Variants in MICAL2 observed in about 807,000 individuals in gnomAD.
The protein encoded by MICAL2 is [F-actin]-monooxygenase MICAL2.
A neutral mutation model predicts 127.3 loss-of-function variants in MICAL2; 77 were observed. The ratio of observed to expected loss-of-function variants is 0.60; its 90% CI spans 0.50 to 0.73. The LOEUF is 0.73. Among genes scored for constraint, MICAL2 ranks in the 30% least tolerant of loss-of-function variants. The probability of loss-of-function intolerance (pLI) is 0.00; values close to 1 mark genes in which losing one functional copy is unlikely to be tolerated. For synonymous variants in MICAL2, 570 were observed against 551.1 expected, an observed-to-expected ratio of 1.03 and a Z score of -0.48; for missense variants, 1,351 against 1,434.4, an observed-to-expected ratio of 0.94 and a Z score of 0.94.
In MICAL2 at chr11:12,216,118, G is replaced by T. The variant is rs1437259494; in HGVS notation, c.848-101G>T. On this transcript the variant is annotated intron_variant, in intron 7 of 27. Transcript: ENST00000683283. ...AAAACTGGTCTAACATGAATATTCT[G>T]CAGATAAATAACAAGACCAATAGTG... 5 of 838,856 alleles carry T rather than the reference G, an allele frequency of 6.0e-6. No individual in the cohort carries two copies. In the East Asian group the frequency reaches 1.3e-4, roughly 21 times the overall value. The allele number at this position is 838,856 out of a possible 1,614,324, so 52.0% of individuals were successfully genotyped here.
chr11:12,145,828 C>T, intron 2 of MICAL2, among the ~76,000 whole-genome samples: 1 of 152,052 alleles, frequency 6.6e-6, no homozygotes, highest in East Asian at 1.9e-4. Context: ...GGTGGACGGC[C>T]CAATGAAAGG....
chr11:12,217,715 A>G (rs1042592917), intron 8 of MICAL2, among the ~76,000 whole-genome samples: 1 of 152,128 alleles, frequency 6.6e-6, no homozygotes, highest in Non-Finnish European at 1.5e-5. Context: ...GTGTTTGCTC[A>G]TGGCAACTCG....
At chr11:12,342,940 T>G (rs1045755339) in intron 32 of MICAL2, among the ~76,000 whole-genome samples, 1 of 152,050 alleles carries the variant, frequency 6.6e-6, no homozygotes, top group Non-Finnish European at 1.5e-5. Context: ...AGGGAGCTGA[T>G]GGAAATCGTA....
At chr11:12,183,346 C>T (rs1229277701) in intron 3 of MICAL2, among the ~76,000 whole-genome samples, 4 of 152,208 alleles carry the variant, frequency 2.6e-5, no homozygotes, top group East Asian at 3.9e-4. Context: ...CCCAGCTGAC[C>T]GCTGCATTGC....
chr11:12,340,120 A>G (rs1938835837), intron 32 of MICAL2, among the ~76,000 whole-genome samples: 1 of 152,232 alleles, frequency 6.6e-6, no homozygotes, highest in African/African-American at 2.4e-5. Flanking sequence ...TAGAACCCTC[A>G]GATACAGACG....
At chr11:12,243,592 G>C (rs903210) in intron 20 of MICAL2, among the ~76,000 whole-genome samples, 79,955 of 152,060 alleles carry the variant, frequency 0.53, 21,404 homozygotes, top group Middle Eastern at 0.67. Flanking sequence ...GCTTGCTGCA[G>C]CTATAGAGGC....
In MICAL2 at chr11:12,122,463, G is replaced by T. The variant is rs1850585573; in HGVS notation, c.-149+11737G>T. 1.3e-5 allele frequency among the ~76,000 whole-genome samples: 2 copies of T among 152,190 alleles called. 1 individual carries two copies. Among genetic ancestry groups the T allele is most frequent in the Admixed American group, 1.3e-4 (2 of 15,282 alleles). On this transcript the variant is annotated intron_variant, in intron 1 of 27. Coordinates refer to ENST00000683283, the MANE Select transcript of MICAL2 (RefSeq NM_001282663.2). ...GTCTCACTCCGTCACCCAGGCTGCA[G>T]TGTAGTGCGATCCTGGCTCACTGCA... is the stretch of plus-strand genomic sequence containing the variant.
chr11:12,355,035 T>A (rs1027229950), intron 34 of MICAL2, among the ~76,000 whole-genome samples: 5 of 152,206 alleles, frequency 3.3e-5, no homozygotes, highest in African/African-American at 1.2e-4. Context: ...CCTCATTCAC[T>A]TGGGCTGTGA....
At chr11:12,352,986 C>G (rs763414764) in intron 33 of MICAL2, among the ~76,000 whole-genome samples, 2 of 152,224 alleles carry the variant, frequency 1.3e-5, no homozygotes, top group Non-Finnish European at 2.9e-5. Context: ...TTTGCAGCAG[C>G]AGTGAGCTCA....
At chr11:12,145,535 G>T (rs533602543) in intron 2 of MICAL2, among the ~76,000 whole-genome samples, 1 of 152,156 alleles carries the variant, frequency 6.6e-6, no homozygotes, top group Non-Finnish European at 1.5e-5. Context: ...CTGGCCCAAT[G>T]TCCTATGCTT....
Position 12,222,415 on chromosome 11 carries a change from C to T in MICAL2, c.1323-202C>T, listed in dbSNP as rs563782001. ...GAGCCCAGCATCCCCGTCACCCAGG[C>T]GCCCCTTTCCTCTCGGCCCCTTTGA... is the stretch of plus-strand genomic sequence containing the variant. On this transcript the variant is annotated intron_variant, in intron 10 of 27. Coordinates refer to ENST00000683283, the MANE Select transcript of MICAL2 (RefSeq NM_001282663.2). Among the ~76,000 whole-genome samples, 9 of 152,334 alleles carry T rather than the reference C, an allele frequency of 5.9e-5. No homozygotes were observed. In the South Asian group the frequency reaches 6.2e-4, roughly 11 times the overall value.
chr11:12,325,298 C>T (rs1372976915), intron 31 of MICAL2, among the ~76,000 whole-genome samples: 2 of 151,978 alleles, frequency 1.3e-5, no homozygotes, highest in East Asian at 1.9e-4. Context: ...TTAGTAGAGA[C>T]GGGTTTTCAC....
Position 12,327,212 on chromosome 11 carries a change from AG to A in MICAL2, c.5464del (p.Ala1822LeufsTer7). On this transcript the variant is annotated frameshift_variant, in exon 32 of 35. Coordinates refer to the MICAL2 transcript ENST00000646065. LOFTEE classifies it high-confidence loss of function. Reference sequence around the variant, plus strand: ...GCTGGAGGAGGTGGAGGAGCGGCAGAGGGCTTCTGAGATCCAGGGTGTGAGG... The same window carrying A: ...GCTGGAGGAGGTGGAGGAGCGGCAGAGGCTTCTGAGATCCAGGGTGTGAGG... 11 of 1,551,610 alleles carry A rather than the reference AG, an allele frequency of 7.1e-6. No homozygotes were observed. Among genetic ancestry groups the A allele is most frequent in the Non-Finnish European group, 9.6e-6 (11 of 1,147,036 alleles).
intron 16 of MICAL2, among the ~76,000 whole-genome samples, chr11:12,237,751 G>GAGC (rs566134032): frequency 6.6e-6 from 1 of 152,164 alleles, no homozygotes; most frequent in Non-Finnish European, 1.5e-5. Flanking sequence ...CAAGATCCAG[G>GAGC]AGCAGCAGCA....
chr11:12,167,294 G>T (rs995038718), intron 3 of MICAL2, among the ~76,000 whole-genome samples: 2 of 152,170 alleles, frequency 1.3e-5, no homozygotes, highest in Admixed American at 1.3e-4. Flanking sequence ...CTTTTTAGAA[G>T]GATGTGACTG....
intron 22 of MICAL2, chr11:12,250,176 T>A (rs1296854843): frequency 6.6e-6 from 1 of 152,206 alleles, no homozygotes; most frequent in Non-Finnish European, 1.5e-5. Flanking sequence ...GCCATGCCAC[T>A]CTTGTGCAGA....
intron 3 of MICAL2, among the ~76,000 whole-genome samples, chr11:12,182,588 G>A (rs2133958465): frequency 6.6e-6 from 1 of 152,290 alleles, no homozygotes; most frequent in South Asian, 2.1e-4. Context: ...TGTGATATGA[G>A]AGATTTTAGT....
chr11:12,240,217 G>A (rs1011452798), intron 17 of MICAL2, among the ~76,000 whole-genome samples: 8 of 152,196 alleles, frequency 5.3e-5, no homozygotes, highest in African/African-American at 1.9e-4. Context: ...GAGGCTGGAG[G>A]AGGCAGAATG....
chr11:12,163,661 C>T (rs1855116855), intron 3 of MICAL2: 1 of 152,430 alleles, frequency 6.6e-6, no homozygotes, highest in South Asian at 2.1e-4. Context: ...ACCTACCATG[C>T]TCCAGCTAGG....
Sources: allele counts gnomAD v4.1 joint callset (sites outside exome capture counted in the v4.1 genomes callset), GRCh38; gene constraint gnomAD v4.1.1; transcripts MANE v1.5; gene names NCBI Gene and HGNC (gene_info 2026-07-23, HGNC 2026-07-21).